CEP95: variants seen among roughly 807,000 people sequenced by gnomAD.
CEP95 encodes the protein centrosomal protein 95, also known as centrosomal protein of 95 kDa.
CEP95 carries 98 observed loss-of-function variants against 111.2 expected under a neutral mutation model. The ratio of observed to expected loss-of-function variants is 0.88; its 90% confidence interval spans 0.75 to 1.04. The LOEUF is 1.04. CEP95 is among the 50% of genes least tolerant of loss of function. CEP95 has a pLI of 0.00. For synonymous variants in CEP95, 323 were observed against 327.1 expected (o/e 0.99, Z 0.14); for missense variants, 1,027 against 977.2 (o/e 1.05, Z -0.68).
At chr17:64,532,061 A>G (rs2303575) in intron 14 of CEP95, 39 bp downstream of exon 14, 110,696 of 1,506,536 alleles carry the variant, frequency 0.073, 13,386 homozygotes, top group African/African-American at 0.55. Flanking sequence ...AAAACTGGCA[A>G]CCTTTGAAAG....
chr17:64,534,802 T>A, intron 17 of CEP95, 65 bp downstream of exon 17: 3 of 1,553,150 alleles, frequency 1.9e-6, no homozygotes, highest in Middle Eastern at 3.4e-4. Flanking sequence ...CAGGACCACC[T>A]TCTTTGTTCG....
chr17:64,537,368 A>G (rs1968730594), intron 19 of CEP95: 3 of 1,402,808 alleles, frequency 2.1e-6, no homozygotes, highest in Admixed American at 3.2e-5. Flanking sequence ...GTAGAAAACC[A>G]AATGTATTAT....
chr17:64,515,552 C>G (rs78086676), intron 4 of CEP95, among the ~76,000 whole-genome samples: 7,195 of 152,088 alleles, frequency 0.047, 278 homozygotes, highest in Admixed American at 0.13. Flanking sequence ...GAGGAGGCAA[C>G]TGAGAGATAC....
At chr17:64,517,261 G>A (rs936325716) in intron 5 of CEP95, among the ~76,000 whole-genome samples, 4 of 151,980 alleles carry the variant, frequency 2.6e-5, no homozygotes, top group Admixed American at 6.6e-5. Flanking sequence ...TGGTCAGGCT[G>A]GCCTCGAACT....
intron 1 of CEP95, chr17:64,507,610 C>G: frequency 1.0e-6 from 1 of 992,546 alleles, no homozygotes; most frequent in Non-Finnish European, 1.2e-6. Context: ...TGGGCTTTGT[C>G]TAGCACCGCT....
At chr17:64,519,793 A>G (rs369790378) in intron 6 of CEP95, among the ~76,000 whole-genome samples, 1 of 152,200 alleles carries the variant, frequency 6.6e-6, no homozygotes, top group Non-Finnish European at 1.5e-5. Flanking sequence ...GTTTGAACCA[A>G]TAAGTTCGTA....
At chr17:64,506,874 T>C (rs533305374), upstream of CEP95, 8 of 639,210 alleles carry the variant, frequency 1.3e-5, no homozygotes, top group African/African-American at 1.3e-4. Context: ...GTCTCTAAAC[T>C]TCCCAAACCG....
chr17:64,537,691 A>ATGTT lies in CEP95; in HGVS notation c.2380_2383dup (p.Phe795CysfsTer9), dbSNP rs782651333. The ATGTT allele has an allele frequency of 4.3e-6, 7 of 1,613,590 alleles. No homozygotes were observed. Among genetic ancestry groups the ATGTT allele is most frequent in the Non-Finnish European group, 5.9e-6 (7 of 1,179,674 alleles). On this transcript the variant is annotated frameshift_variant, in exon 20 of 20. Coordinates refer to ENST00000556440, the MANE Select transcript of CEP95 (RefSeq NM_138363.3). LOFTEE classifies it high-confidence loss of function. The stretch of plus-strand genomic sequence containing the variant: ...GACATGATAACACAGAATGATGATG[A>ATGTT]TGTTTTCTTCCGGGAACTGGAAGCT...
chr17:64,536,826 T>C, intron 18 of CEP95, 78 bp downstream of exon 18: 1 of 1,485,226 alleles, frequency 6.7e-7, no homozygotes, highest in Non-Finnish European at 9.1e-7. Flanking sequence ...GCTTAGTCTG[T>C]TGACAATAAA....
At chr17:64,527,881 TATATATATATACAC>T (rs1278329313) in intron 11 of CEP95, among the ~76,000 whole-genome samples, 1 of 143,178 alleles carries the variant, frequency 7.0e-6, no homozygotes, top group African/African-American at 2.5e-5. Context: ...TATATATATA[TATATATATATACAC>T]ACACACACAC....
chr17:64,510,165 C>T lies in CEP95; in HGVS notation c.149-8C>T, dbSNP rs782718659. Reference sequence around the variant, plus strand: ...GATACAAAATTATGTGATTTTTTCCCCCCCCAGACCTCATAGTTATTCCTA... The same window carrying T: ...GATACAAAATTATGTGATTTTTTCCTCCCCCAGACCTCATAGTTATTCCTA... On this transcript the variant is annotated splice_polypyrimidine_tract_variant and splice_region_variant and intron_variant, in intron 2 of 19. Transcript: ENST00000556440. 3.2e-6 allele frequency: 5 copies of T among 1,549,666 alleles called. No individual in the cohort carries two copies. The South Asian group carries it at 5.7e-5, about 18-fold the overall frequency.
Position 64,521,483 on chromosome 17 carries a change from C to T in CEP95, c.671C>T (p.Pro224Leu), listed in dbSNP as rs781875470. The part of the protein sequence containing the change: ...SSKSHEDMLY[P>L]PSVLSKSRTS... ...AAATCACATGAAGATATGTTGTACCCTCCTAGTGTTTTGTCCAAGAGTAGG... is the reference window on the plus strand; with the variant it reads ...AAATCACATGAAGATATGTTGTACCTTCCTAGTGTTTTGTCCAAGAGTAGG... Residue 224 changes from proline to leucine, a missense_variant, in exon 7 of 20, where the codon CCT (proline) becomes CTT (leucine). Pro to Leu is a moderately conservative substitution (Grantham distance 98). Transcript: ENST00000556440. 13 of 1,612,528 alleles carry T rather than the reference C, an allele frequency of 8.1e-6. No homozygotes were observed. Among genetic ancestry groups the T allele is most frequent in the African/African-American group, 1.3e-5 (1 of 74,876 alleles).
chr17:64,529,010 C>T (rs1355017031), intron 11 of CEP95, among the ~76,000 whole-genome samples: 3 of 152,238 alleles, frequency 2.0e-5, no homozygotes, highest in Non-Finnish European at 2.9e-5. Context: ...CCCCCTATCA[C>T]CAAGAGCACT....
intron 8 of CEP95, among the ~76,000 whole-genome samples, chr17:64,525,054 A>G (rs1192256042): frequency 2.0e-5 from 3 of 150,876 alleles, no homozygotes; most frequent in Non-Finnish European, 3.0e-5. Flanking sequence ...CCAAGAAATA[A>G]ATTTAGCCGG....
intron 19 of CEP95, chr17:64,537,401 A>C: frequency 7.3e-7 from 1 of 1,376,420 alleles, no homozygotes; most frequent in Non-Finnish European, 9.4e-7. Flanking sequence ...AATGGAGAGA[A>C]GACTAATAAG....
chr17:64,515,471 T>C (rs2039092508), intron 4 of CEP95, among the ~76,000 whole-genome samples: 1 of 152,186 alleles, frequency 6.6e-6, no homozygotes, highest in Admixed American at 6.5e-5. Flanking sequence ...TTTTACAGTT[T>C]AGTGCTTGCT....
intron 19 of CEP95, 84 bp from the exon 20 acceptor site, chr17:64,537,519 T>G: frequency 6.8e-7 from 1 of 1,460,888 alleles, no homozygotes; most frequent in Middle Eastern, 2.3e-4. Flanking sequence ...AGGAGTTTGA[T>G]TAGCTGGAAG....
rs782110196 is a variant in CEP95, at chr17:64,537,088, A to G, written c.2265A>G (p.Lys755=). The stretch of plus-strand genomic sequence containing the variant: ...TATCACAGGAACATCAAGAACTTAA[A>G]GCCAGAGAGAAATCTCAGGCCCAGG... ...EAISQEHQEL[K]AREKSQAQTL... The change falls in exon 19 of 20, where the codon AAA becomes AAG. Residue 755 remains lysine (K), a synonymous_variant. Coordinates refer to ENST00000556440, the MANE Select transcript of CEP95 (RefSeq NM_138363.3). 5 of 1,613,052 alleles carry G rather than the reference A, an allele frequency of 3.1e-6. No homozygotes were observed. The East Asian group carries it at 8.9e-5, about 29-fold the overall frequency.
chr17:64,509,905 C>T (rs1192818520), intron 2 of CEP95, among the ~76,000 whole-genome samples: 2 of 149,034 alleles, frequency 1.3e-5, no homozygotes, highest in Non-Finnish European at 3.0e-5. Context: ...ATCTATATAT[C>T]TATATATATA....
Sources: allele counts gnomAD v4.1 joint callset (sites outside exome capture counted in the v4.1 genomes callset), GRCh38; gene constraint gnomAD v4.1.1; transcripts MANE v1.5; gene names NCBI Gene and HGNC (gene_info 2026-07-23, HGNC 2026-07-21).